Variants in SALL2 observed in about 807,000 individuals in gnomAD.
The protein encoded by SALL2 is spalt like transcription factor 2, also known as sal-like protein 2.
SALL2 carries 32 observed loss-of-function variants against 58.5 expected under a neutral mutation model. That is an observed-to-expected ratio of 0.55 (90% CI 0.41 to 0.74). The LOEUF (loss-of-function observed/expected upper bound fraction) is 0.74. Among genes scored for constraint, SALL2 ranks in the 30% least tolerant of loss-of-function variants. The pLI is 0.00. For missense variants in SALL2, 1,201 were observed against 1,268.9 expected, an observed-to-expected ratio of 0.95 and a Z score of 0.81; for synonymous variants, 516 against 513.6, an observed-to-expected ratio of 1.00 and a Z score of -0.06.
Position 21,523,567 on chromosome 14 carries a change from C to G in SALL2, c.2155G>C (p.Gly719Arg). 6.2e-7 allele frequency: 1 copy of G among 1,614,200 alleles called. No individual in the cohort carries two copies. The highest frequency in any genetic ancestry group is 1.3e-5 in the African/African-American group (1 of 75,044). The change falls in exon 2 of 2, where the codon GGT (glycine) becomes CGT (arginine). Residue 719 changes from glycine (G) to arginine (R), a missense_variant. Coordinates refer to ENST00000537235, the MANE Select transcript of SALL2 (RefSeq NM_001364564.1). The surrounding 1 kb of genome is among the most constrained non-coding windows in gnomAD (Gnocchi z 4.4). ...RMHLGGQIPN[G>R]GTALPEGGGA... The stretch of plus-strand genomic sequence containing the variant: ...CCACCTTCAGGGAGTGCAGTACCAC[C>G]GTTGGGGATCTGGCCCCCCAGGTGC...
In SALL2 at chr14:21,524,317, C is replaced by T. The variant is rs780535272; in HGVS notation, c.1405G>A (p.Gly469Arg). 1.4e-5 allele frequency: 22 copies of T among 1,613,842 alleles called. No homozygotes were observed. Among genetic ancestry groups the T allele is most frequent in the Non-Finnish European group, 1.6e-5 (19 of 1,179,922 alleles). ...AEEEAATPGG[G>R]VERKPLVAST... ...GCCACCAGAGGCTTGCGCTCAACCCCTCCACCTGGAGTGGCTGCCTCCTCC... is the reference window on the plus strand; with the variant it reads ...GCCACCAGAGGCTTGCGCTCAACCCTTCCACCTGGAGTGGCTGCCTCCTCC... The change falls in exon 2 of 2, where the codon GGG becomes AGG. Residue 469 changes from glycine to arginine, a missense_variant. Coordinates refer to ENST00000537235, the MANE Select transcript of SALL2 (RefSeq NM_001364564.1).
rs111652113 is a variant in SALL2 at position 21,523,557 on chromosome 14, G to A, written c.2165C>T (p.Ala722Val). 2.3e-4 allele frequency: 370 copies of A among 1,614,200 alleles called. 1 individual carries two copies. The African/African-American group carries it at 4.2e-3, about 18-fold the overall frequency. The change falls in exon 2 of 2, where the codon GCA becomes GTA. Residue 722 changes from alanine to valine, a missense_variant. Ala to Val is a moderately conservative substitution (Grantham distance 64, BLOSUM62 0). This residue lies in a region of SALL2 where 675 missense variants were observed against 683.8 expected (regional missense o/e 0.99). Transcript: ENST00000537235. This position sits in a 1 kb window ranked among gnomAD's most constrained non-coding sequence, Gnocchi z 4.4. ...LGGQIPNGGTALPEGGGAAQE... is the reference protein window; with the variant it reads ...LGGQIPNGGTVLPEGGGAAQE... ...AGCAGCTCCTCCACCTTCAGGGAGT[G>A]CAGTACCACCGTTGGGGATCTGGCC...
Position 21,525,926 on chromosome 14 carries a change from G to T in SALL2, c.67+135C>A. On this transcript the variant is annotated intron_variant, in intron 1 of 1. Coordinates refer to ENST00000537235, the MANE Select transcript of SALL2 (RefSeq NM_001364564.1). The surrounding 1 kb of genome is among the most constrained non-coding windows in gnomAD (Gnocchi z 4.4). The stretch of plus-strand genomic sequence containing the variant: ...CCTCCCTTCCCCAGGCCACAAGCGA[G>T]TTCACGGAATAGGTGTGGGGACAGG... The T allele has an allele frequency of 1.1e-6, 1 of 928,770 alleles. No homozygotes were observed. Among genetic ancestry groups the T allele is most frequent in the Non-Finnish European group, 1.6e-6 (1 of 606,464 alleles). 57.5% of individuals were successfully genotyped at this position (928,770 alleles called of 1,614,324 possible).
At chr14:21,535,227 T>C (rs368595040) in intron 1 of SALL2, among the ~76,000 whole-genome samples, 58 of 151,594 alleles carry the variant, frequency 3.8e-4, no homozygotes, top group Non-Finnish European at 5.2e-4. Flanking sequence ...CGCCTATAGT[T>C]CCAGCTACTC....
rs957849677 is a variant in SALL2, at chr14:21,522,128, C to T, written c.*576G>A. 5 of 1,597,878 alleles carry T rather than the reference C, an allele frequency of 3.1e-6. No homozygotes were observed. Among genetic ancestry groups the T allele is most frequent in the Non-Finnish European group, 2.5e-6 (3 of 1,179,688 alleles). On this transcript the variant is annotated 3_prime_UTR_variant, in exon 2 of 2. Coordinates refer to ENST00000537235, the MANE Select transcript of SALL2 (RefSeq NM_001364564.1). ...CCATTGTTGGAGGCACCTTCCCAGC[C>T]ACAGTTCCTAGGCCAAACAGCACTG...
At chr14:21,528,341 A>G (rs1892378906), upstream of SALL2, among the ~76,000 whole-genome samples, 1 of 152,206 alleles carries the variant, frequency 6.6e-6, no homozygotes, top group South Asian at 2.1e-4. Flanking sequence ...GATATTGGCT[A>G]ATATCAGCAG....
At chr14:21,535,086 C>G (rs1168696286) in intron 1 of SALL2, among the ~76,000 whole-genome samples, 3 of 152,160 alleles carry the variant, frequency 2.0e-5, no homozygotes, top group Admixed American at 6.5e-5. Context: ...TGGCTCACGC[C>G]TGTAATCCCA....
Position 21,525,709 on chromosome 14 carries a change from C to T in SALL2, c.68-55G>A. 1 of 1,515,686 alleles carries T rather than the reference C, an allele frequency of 6.6e-7. No homozygotes were observed. Among genetic ancestry groups the T allele is most frequent in the Non-Finnish European group, 8.8e-7 (1 of 1,133,014 alleles). The allele number at this position is 1,515,686 out of a possible 1,614,324, so 93.9% of individuals were successfully genotyped here. A position where few individuals can be genotyped will look rare whatever the true frequency, so the allele number is the denominator to read the frequency against. On this transcript the variant is annotated intron_variant, in intron 1 of 1. Transcript: ENST00000537235. The surrounding 1 kb of genome is among the most constrained non-coding windows in gnomAD (Gnocchi z 4.4). ...GGTGGCGCAGTTGGGTTGGGTATAC[C>T]GAGGCTCTAATTAACAAGGAGGCCA... is the stretch of plus-strand genomic sequence containing the variant.
In SALL2 at chr14:21,526,134, G is replaced by C. The variant is rs1384763519; in HGVS notation, c.-7C>G. 1.9e-6 allele frequency: 3 copies of C among 1,540,748 alleles called. No homozygotes were observed. Among genetic ancestry groups the C allele is most frequent in the Non-Finnish European group, 2.6e-6 (3 of 1,149,628 alleles). On this transcript the variant is annotated 5_prime_UTR_variant, in exon 1 of 2. Coordinates refer to ENST00000537235, the MANE Select transcript of SALL2 (RefSeq NM_001364564.1). ...TCTCGGATTCGTGCGCCATGGTTGT[G>C]GGGGAAGTGGAGGGCCAGGTGGGGT...
chr14:21,529,102 G>C (rs1892394764), upstream of SALL2, among the ~76,000 whole-genome samples: 1 of 152,168 alleles, frequency 6.6e-6, no homozygotes, highest in Non-Finnish European at 1.5e-5. Context: ...ACCTGTAAGA[G>C]GAACCCTCCA....
upstream of SALL2, among the ~76,000 whole-genome samples, chr14:21,528,051 T>C (rs968909077): frequency 6.6e-6 from 1 of 151,256 alleles, no homozygotes; most frequent in Admixed American, 6.6e-5. Context: ...GCCAGGAGAA[T>C]GGCTTGAACC....
upstream of SALL2, among the ~76,000 whole-genome samples, chr14:21,529,251 A>G (rs1460460455): frequency 6.6e-6 from 1 of 152,194 alleles, no homozygotes; most frequent in Non-Finnish European, 1.5e-5. Context: ...GAGGTAAGCT[A>G]TCTCCGGTCA....
intron 1 of SALL2, among the ~76,000 whole-genome samples, chr14:21,532,479 C>CT (rs35995690): frequency 5.3e-5 from 8 of 151,876 alleles, no homozygotes; most frequent in Non-Finnish European, 1.2e-4. Context: ...ACATATTTTA[C>CT]AATAAAAAAA....
At position 21,521,658 on chromosome 14, in the gene SALL2, A is replaced by G. The variant is rs898904885; in HGVS notation, c.*1046T>C. ...TACCAGCAAGCCCTATGTTCTAGCA[A>G]CATTCCTTAACTCTCTCATCATTAG... On this transcript the variant is annotated 3_prime_UTR_variant, in exon 2 of 2. Transcript: ENST00000537235. 4.3e-6 allele frequency: 1 copy of G among 235,180 alleles called. No homozygotes were observed. Among genetic ancestry groups the G allele is most frequent in the Middle Eastern group, 1.7e-3 (1 of 580 alleles). 14.6% of individuals were successfully genotyped at this position (235,180 alleles called of 1,614,324 possible). A position where few individuals can be genotyped will look rare whatever the true frequency, so the allele number is the denominator to read the frequency against.
In SALL2 at chr14:21,521,963, C is replaced by T. The variant is rs754253368; in HGVS notation, c.*741G>A. 1.6e-4 allele frequency: 236 copies of T among 1,515,428 alleles called. No homozygotes were observed. Among genetic ancestry groups the T allele is most frequent in the Non-Finnish European group, 1.8e-4 (209 of 1,131,756 alleles). The allele number at this position is 1,515,428 out of a possible 1,614,324, so 93.9% of individuals were successfully genotyped here. On this transcript the variant is annotated 3_prime_UTR_variant, in exon 2 of 2. Transcript: ENST00000537235. ...CCAATTACTGGAGCATCTTCAGTAC[C>T]GGCACCTTCTGGAGCAGGGGGAGGA... is the stretch of plus-strand genomic sequence containing the variant.
chr14:21,526,020 T>TCCCCCCCCCCCC, intron 1 of SALL2, 41 bp downstream of exon 1: 3 of 809,704 alleles, frequency 3.7e-6, no homozygotes, highest in Non-Finnish European at 6.0e-6. Context: ...CGCATCCCCC[T>TCCCCCCCCCCCC]CCGCCCCCAC....
Position 21,525,557 on chromosome 14 carries a change from A to G in SALL2, c.165T>C (p.Ser55=), listed in dbSNP as rs770749069. 5 of 1,613,770 alleles carry G rather than the reference A, an allele frequency of 3.1e-6. No individual in the cohort carries two copies. The highest frequency in any genetic ancestry group is 2.7e-5 in the African/African-American group (2 of 74,886). ...TTATCACCATTACAGGAGGGTCAGTAGAACATGCGTTCTGGTGGGCGAGGA... is the reference window on the plus strand; with the variant it reads ...TTATCACCATTACAGGAGGGTCAGTGGAACATGCGTTCTGGTGGGCGAGGA... ...TEFLAHQNAC[S]TDPPVMVIIG... The change falls in exon 2 of 2, where the codon TCT becomes TCC. Residue 55 remains serine, a synonymous_variant. Coordinates refer to ENST00000537235, the MANE Select transcript of SALL2 (RefSeq NM_001364564.1). The surrounding 1 kb of genome is among the most constrained non-coding windows in gnomAD (Gnocchi z 4.4).
In SALL2 at chr14:21,522,047, G is replaced by A. The variant is rs741707; in HGVS notation, c.*657C>T. The A allele has an allele frequency of 3.1e-6, 5 of 1,596,464 alleles. No individual in the cohort carries two copies. Among genetic ancestry groups the A allele is most frequent in the East Asian group, 2.2e-5 (1 of 44,844 alleles). On this transcript the variant is annotated 3_prime_UTR_variant, in exon 2 of 2. Transcript: ENST00000537235. ...TGATGGGCTTCTCAGGCACTGCCTT[G>A]GGTGCAGGAGGCTGAAATAGGAGGG...
upstream of SALL2, among the ~76,000 whole-genome samples, chr14:21,527,107 C>A (rs1287328465): frequency 6.6e-6 from 1 of 152,198 alleles, no homozygotes; most frequent in African/African-American, 2.4e-5. Context: ...TCTCCTCTTG[C>A]AACATTCCTC....
Sources: gnomAD v4.1 joint callset for allele counts (sites outside exome capture counted in the v4.1 genomes callset) on GRCh38, gnomAD v4.1.1 for gene constraint, gnomAD v4.1.1 regional missense constraint, Gnocchi (gnomAD v3.1) non-coding constraint, MANE v1.5 for transcripts, NCBI Gene and HGNC (gene_info 2026-07-23, HGNC 2026-07-21) for gene names.